Variants in SGCD observed in about 807,000 individuals in gnomAD.
SGCD encodes delta-sarcoglycan.
SGCD carries 18 observed loss-of-function variants against 36.6 expected under a neutral mutation model. That is an observed-to-expected ratio of 0.49 (90% confidence interval 0.34 to 0.73). The LOEUF (loss-of-function observed/expected upper bound fraction) is 0.73. Among genes scored for constraint, SGCD ranks in the 30% least tolerant of loss-of-function variants. The pLI is 0.01. For synonymous variants in SGCD, 133 were observed against 130.6 expected, an observed-to-expected ratio of 1.02 and a Z score of -0.12; for missense variants, 387 against 346.7, an observed-to-expected ratio of 1.12 and a Z score of -0.92.
chr5:156,608,323 G>A (rs112804917), intron 6 of SGCD, among the ~76,000 whole-genome samples: 5 of 152,314 alleles, frequency 3.3e-5, no homozygotes, highest in South Asian at 2.1e-4. Context: ...TTCAGGAGCA[G>A]GTTGTTCAGT....
At chr5:156,032,148 A>AAAAACCT in intron 1 of SGCD, among the ~76,000 whole-genome samples, 1 of 152,274 alleles carries the variant, frequency 6.6e-6, no homozygotes, top group South Asian at 2.1e-4. Flanking sequence ...AAATAAAAAA[A>AAAAACCT]AAAACCTAAC....
At chr5:156,296,108 A>G (rs1766887306) in intron 3 of SGCD, among the ~76,000 whole-genome samples, 1 of 152,152 alleles carries the variant, frequency 6.6e-6, no homozygotes, top group Non-Finnish European at 1.5e-5. Context: ...GTGGTTTTGG[A>G]GCAAGCAGGC....
intron 3 of SGCD, among the ~76,000 whole-genome samples, chr5:156,505,316 A>G (rs1326873476): frequency 6.6e-6 from 1 of 152,200 alleles, no homozygotes; most frequent in Non-Finnish European, 1.5e-5. Context: ...AGAAATATAC[A>G]GATGGCATAG....
intron 2 of SGCD, among the ~76,000 whole-genome samples, chr5:156,338,481 G>T (rs892981464): frequency 6.6e-6 from 1 of 152,158 alleles, no homozygotes; most frequent in Non-Finnish European, 1.5e-5. Context: ...GTAGCCATTT[G>T]ATTCCTACCA....
intron 7 of SGCD, among the ~76,000 whole-genome samples, chr5:156,649,256 G>T (rs2113591939): frequency 6.6e-6 from 1 of 152,300 alleles, no homozygotes; most frequent in East Asian, 1.9e-4. Context: ...CTTTTACAGT[G>T]TTGGTGGGAT....
chr5:156,417,717 C>T (rs897980002), intron 3 of SGCD, among the ~76,000 whole-genome samples: 2 of 152,046 alleles, frequency 1.3e-5, no homozygotes, highest in African/African-American at 2.4e-5. Flanking sequence ...CCTCACTTAA[C>T]CTTAATCAAC....
chr5:156,478,081 G>A lies in SGCD; in HGVS notation c.193-30520G>A, dbSNP rs137941903. 5.1e-4 allele frequency among the ~76,000 whole-genome samples: 78 copies of A among 151,942 alleles called. 3 individuals carry two copies. The East Asian group carries it at 7.0e-3, about 14-fold the overall frequency. ...AGCTGGGTGCTGGAGTCAAGGGTAG[G>A]GTGTTGTATAGCATTTCTCGCCCTT... is the stretch of plus-strand genomic sequence containing the variant. On this transcript the variant is annotated intron_variant, in intron 3 of 8. Coordinates refer to ENST00000337851, the MANE Select transcript of SGCD (RefSeq NM_000337.6).
intron 6 of SGCD, among the ~76,000 whole-genome samples, chr5:156,645,884 G>A (rs1324436168): frequency 5.3e-5 from 8 of 152,144 alleles, no homozygotes; most frequent in Admixed American, 5.2e-4. Flanking sequence ...TAAGAAGGAT[G>A]AATAAGAATC....
chr5:156,075,702 G>A (rs1158975528), intron 1 of SGCD, among the ~76,000 whole-genome samples: 1 of 152,186 alleles, frequency 6.6e-6, no homozygotes, highest in Non-Finnish European at 1.5e-5. Context: ...TAATTCAAGT[G>A]TGGGGTGATA....
intron 4 of SGCD, among the ~76,000 whole-genome samples, chr5:156,558,088 AATATATATATATATATATATAT>A (rs67339181): frequency 2.1e-5 from 2 of 95,576 alleles, no homozygotes. Context: ...AGTAAATACA[AATATATATATATATATATATAT>A]ATATATATAT....
chr5:156,643,083 A>G (rs1283684758), intron 6 of SGCD, among the ~76,000 whole-genome samples: 1 of 136,674 alleles, frequency 7.3e-6, no homozygotes, highest in African/African-American at 2.8e-5. Context: ...CCCAGGCTGG[A>G]GTGCAAAGGT....
intron 1 of SGCD, among the ~76,000 whole-genome samples, chr5:156,056,162 A>C (rs963901264): frequency 6.9e-6 from 1 of 145,834 alleles, no homozygotes; most frequent in African/African-American, 2.5e-5. Flanking sequence ...CAGAGATCTG[A>C]CCTAACTGAC....
chr5:155,849,131 T>G, the SGCD span, among the ~76,000 whole-genome samples: 1 of 152,162 alleles, frequency 6.6e-6, no homozygotes, highest in Non-Finnish European at 1.5e-5. Flanking sequence ...CCAGAGCATG[T>G]CCTCAAGTTC....
At chr5:155,730,558 T>A in the SGCD span, among the ~76,000 whole-genome samples, 1 of 151,882 alleles carries the variant, frequency 6.6e-6, no homozygotes, top group East Asian at 1.9e-4. Flanking sequence ...GATTTTGTAT[T>A]TTTAGGAGGT....
At chr5:156,606,000 G>A (rs1284896471) in intron 6 of SGCD, among the ~76,000 whole-genome samples, 11 of 152,240 alleles carry the variant, frequency 7.2e-5, no homozygotes, top group Admixed American at 1.3e-4. Flanking sequence ...TGGGTTGCCC[G>A]TTCACTCTGA....
intron 1 of SGCD, among the ~76,000 whole-genome samples, chr5:155,916,002 T>C (rs1285940476): frequency 6.6e-6 from 1 of 152,172 alleles, no homozygotes; most frequent in Non-Finnish European, 1.5e-5. Flanking sequence ...AGGAGAAAAA[T>C]ACTTTACAGA....
chr5:156,463,552 T>A (rs2127819948), intron 3 of SGCD, among the ~76,000 whole-genome samples: 1 of 152,216 alleles, frequency 6.6e-6, no homozygotes, highest in South Asian at 2.1e-4. Context: ...ATTAGTGTGG[T>A]GTTTTCTGAG....
intron 1 of SGCD, among the ~76,000 whole-genome samples, chr5:155,903,614 A>C (rs1177450032): frequency 1.3e-5 from 2 of 152,202 alleles, no homozygotes; most frequent in Non-Finnish European, 1.5e-5. Flanking sequence ...CATGGACAAC[A>C]CACATATACA....
intron 3 of SGCD, among the ~76,000 whole-genome samples, chr5:156,144,360 T>C (rs1249412372): frequency 6.6e-6 from 1 of 152,160 alleles, no homozygotes; most frequent in African/African-American, 2.4e-5. Context: ...ACCAACAGTG[T>C]AAAAGTGTTC....
Sources: gnomAD v4.1 joint callset for allele counts (sites outside exome capture counted in the v4.1 genomes callset) on GRCh38, gnomAD v4.1.1 for gene constraint, MANE v1.5 for transcripts, NCBI Gene and HGNC (gene_info 2026-07-23, HGNC 2026-07-21) for gene names.